SLC30A8: variants seen among roughly 807,000 people sequenced by gnomAD.
The protein encoded by SLC30A8 is solute carrier family 30 member 8, also known as proton-coupled zinc antiporter SLC30A8.
In SLC30A8, 27 loss-of-function variants were observed where a neutral mutation model predicts 36.9. The observed-to-expected ratio is 0.73, with a 90% CI of 0.54 to 1.01. The LOEUF is 1.01. Among genes scored for constraint, SLC30A8 ranks in the 50% least tolerant of loss-of-function variants. The pLI is 0.00. For synonymous variants in SLC30A8, 164 were observed against 172.4 expected, an observed-to-expected ratio of 0.95 and a Z score of 0.38; for missense variants, 439 against 452.0, an observed-to-expected ratio of 0.97 and a Z score of 0.26.
In SLC30A8 at chr8:117,172,493, G is replaced by A. The variant is rs62510557; in HGVS notation, c.965-43G>A. 1.1e-3 allele frequency: 1,818 copies of A among 1,613,032 alleles called. 3 individuals carry two copies. Among genetic ancestry groups the A allele is most frequent in the Non-Finnish European group, 1.3e-3 (1,551 of 1,179,350 alleles). ...TTGGAGTCAGAGCAGTCGCCCATGC[G>A]TGTGCAATCAGTGCTAATCTCCCTG... On this transcript the variant is annotated intron_variant, in intron 7 of 7. Coordinates refer to ENST00000456015, the MANE Select transcript of SLC30A8 (RefSeq NM_173851.3).
intron 1 of SLC30A8, among the ~76,000 whole-genome samples, chr8:116,960,477 C>T: frequency 6.6e-6 from 1 of 152,206 alleles, no homozygotes; most frequent in Non-Finnish European, 1.5e-5. Flanking sequence ...TAACTTGTCT[C>T]ACTTCTTTCA....
chr8:117,175,239 A>ATGTC lies in SLC30A8; in HGVS notation c.*2564_*2567dup, dbSNP rs1823619590. ...ATCAACCTGTCATCTACATTCTTTTATGTCTGTCTTTCAAAGCAACACTCT... is the reference window on the plus strand; with the variant it reads ...ATCAACCTGTCATCTACATTCTTTTATGTCTGTCTGTCTTTCAAAGCAACACTCT... On this transcript the variant is annotated 3_prime_UTR_variant, in exon 8 of 8. Coordinates refer to ENST00000456015, the MANE Select transcript of SLC30A8 (RefSeq NM_173851.3). 1 of 151,934 alleles carries ATGTC rather than the reference A, an allele frequency of 6.6e-6. No individual in the cohort carries two copies. Among genetic ancestry groups the ATGTC allele is most frequent in the Non-Finnish European group, 1.5e-5 (1 of 67,988 alleles). 9.4% of individuals were successfully genotyped at this position (151,934 alleles called of 1,614,324 possible). A position where few individuals can be genotyped will look rare whatever the true frequency, so the allele number is the denominator to read the frequency against.
At chr8:117,124,808 G>C (rs975294073) in intron 2 of SLC30A8, among the ~76,000 whole-genome samples, 1 of 151,468 alleles carries the variant, frequency 6.6e-6, no homozygotes, top group Non-Finnish European at 1.5e-5. Flanking sequence ...ATGGGGGAGG[G>C]TGTGGGCTCC....
chr8:116,986,258 T>C (rs1815440515), intron 1 of SLC30A8, among the ~76,000 whole-genome samples: 1 of 151,990 alleles, frequency 6.6e-6, no homozygotes. Context: ...CATCATCCTA[T>C]TGGCATTGGC....
chr8:117,164,786 T>C (rs1382464602), intron 6 of SLC30A8, among the ~76,000 whole-genome samples: 1 of 152,048 alleles, frequency 6.6e-6, no homozygotes, highest in African/African-American at 2.4e-5. Context: ...TAGCCCCGAG[T>C]AGGATCTTAT....
intron 2 of SLC30A8, among the ~76,000 whole-genome samples, chr8:117,128,098 A>T (rs1820981375): frequency 6.6e-6 from 1 of 152,008 alleles, no homozygotes; most frequent in Non-Finnish European, 1.5e-5. Context: ...TGTTGGGTTG[A>T]GCAATTACCT....
chr8:117,057,598 T>C (rs1453288241), intron 2 of SLC30A8, among the ~76,000 whole-genome samples: 1 of 152,184 alleles, frequency 6.6e-6, no homozygotes, highest in Non-Finnish European at 1.5e-5. Flanking sequence ...AGATTCCATG[T>C]ATAAGTGAAA....
At chr8:116,967,644 A>G (rs939175652) in intron 1 of SLC30A8, among the ~76,000 whole-genome samples, 1 of 152,258 alleles carries the variant, frequency 6.6e-6, no homozygotes, top group Non-Finnish European at 1.5e-5. Flanking sequence ...ATAAAAATCA[A>G]GTATTGATAA....
chr8:116,992,242 A>C (rs1177734454), intron 1 of SLC30A8, among the ~76,000 whole-genome samples: 1 of 152,194 alleles, frequency 6.6e-6, no homozygotes, highest in Non-Finnish European at 1.5e-5. Context: ...TTTAACTTTT[A>C]GGCCAGAATG....
chr8:116,971,739 A>G (rs1814804236), intron 1 of SLC30A8, among the ~76,000 whole-genome samples: 1 of 152,168 alleles, frequency 6.6e-6, no homozygotes, highest in African/African-American at 2.4e-5. Flanking sequence ...CACTATTTTA[A>G]TACTCTATTT....
In SLC30A8 at chr8:117,171,167, AG is replaced by A. The variant is rs751644346; in HGVS notation, c.964+1del. On this transcript the variant is annotated frameshift_variant and splice_region_variant, in exon 7 of 8. Transcript: ENST00000456015. LOFTEE classifies it high-confidence loss of function. ...QVILSAHVAT[A>X]ASRDSQVVRR... ...TAATTCTCTCAGCTCATGTTGCTAC[AG>A]GTCAGTGAGTTTTGTAAACACCCTG... The A allele has an allele frequency of 2.1e-5, 34 of 1,613,370 alleles. No homozygotes were observed. The highest frequency in any genetic ancestry group is 2.8e-5 in the Non-Finnish European group (33 of 1,179,562).
At chr8:116,997,830 T>C (rs923902593) in intron 1 of SLC30A8, among the ~76,000 whole-genome samples, 1 of 151,964 alleles carries the variant, frequency 6.6e-6, no homozygotes, top group Non-Finnish European at 1.5e-5. Flanking sequence ...GGGAGCCATA[T>C]ATAGTGCCAG....
chr8:117,009,935 C>T (rs1175573421), intron 1 of SLC30A8, among the ~76,000 whole-genome samples: 2 of 152,146 alleles, frequency 1.3e-5, no homozygotes, highest in Non-Finnish European at 1.5e-5. Flanking sequence ...CGGAGTGAAG[C>T]AGGCAAAGCC....
At chr8:117,168,270 CA>C (rs58130001) in intron 6 of SLC30A8, among the ~76,000 whole-genome samples, 2,936 of 152,210 alleles carry the variant, frequency 0.019, 90 homozygotes, top group African/African-American at 0.064. Context: ...CCCTCAACAG[CA>C]TATGAAAGTG....
chr8:117,150,923 C>T (rs2130978857), intron 2 of SLC30A8, among the ~76,000 whole-genome samples: 1 of 151,744 alleles, frequency 6.6e-6, no homozygotes, highest in South Asian at 2.1e-4. Context: ...CTCTTAAATA[C>T]AGATCTCAAC....
rs550549277 is a variant in SLC30A8, at chr8:117,105,856, G to A, written c.-225-29424G>A. Among the ~76,000 whole-genome samples, 11 of 152,264 alleles carry A rather than the reference G, an allele frequency of 7.2e-5. No individual in the cohort carries two copies. The South Asian group carries it at 8.3e-4, about 11-fold the overall frequency. ...CCCAAGTTGACACATAAAACTGCAC[G>A]TTACAAGTGCTTTTCCCTATTTCTT... On this transcript the variant is annotated intron_variant, in intron 2 of 10. Coordinates refer to the SLC30A8 transcript ENST00000427715.
chr8:116,966,859 A>G (rs57606675), intron 1 of SLC30A8, among the ~76,000 whole-genome samples: 11,214 of 152,286 alleles, frequency 0.074, 733 homozygotes, highest in African/African-American at 0.18. Flanking sequence ...TGAATCTCAC[A>G]AAACACTTTA....
At chr8:117,143,663 A>AC (rs1821761367) in intron 1 of SLC30A8, among the ~76,000 whole-genome samples, 3 of 28,640 alleles carry the variant, frequency 1.0e-4, no homozygotes, top group Non-Finnish European at 1.4e-4. Context: ...CCTCTCCCAT[A>AC]AAACACACAC....
intron 1 of SLC30A8, among the ~76,000 whole-genome samples, chr8:117,026,590 G>A (rs774731592): frequency 1.2e-4 from 19 of 152,102 alleles, no homozygotes; most frequent in African/African-American, 1.4e-4. Context: ...GATTCACTGC[G>A]GTAGACAGAG....
Sources: gnomAD v4.1 joint callset for allele counts (sites outside exome capture counted in the v4.1 genomes callset) on GRCh38, gnomAD v4.1.1 for gene constraint, MANE v1.5 for transcripts, NCBI Gene and HGNC (gene_info 2026-07-23, HGNC 2026-07-21) for gene names.